GRM8: variants seen among roughly 807,000 people sequenced by gnomAD.
GRM8 encodes glutamate metabotropic receptor 8, also known as metabotropic glutamate receptor 8.
In GRM8, 47 loss-of-function variants were observed where a neutral mutation model predicts 87.2. That is an observed-to-expected ratio of 0.54 (90% CI 0.43 to 0.69). The LOEUF (loss-of-function observed/expected upper bound fraction) is 0.69. Among genes scored for constraint, GRM8 ranks in the 30% least tolerant of loss-of-function variants. The pLI is 0.00. For missense variants in GRM8, 1,019 were observed against 1,139.2 expected, an observed-to-expected ratio of 0.89 and a Z score of 1.52; for synonymous variants, 396 against 404.5, an observed-to-expected ratio of 0.98 and a Z score of 0.25.
intron 3 of GRM8, among the ~76,000 whole-genome samples, chr7:126,956,682 C>T (rs1808721346): frequency 6.6e-6 from 1 of 152,154 alleles, no homozygotes; most frequent in African/African-American, 2.4e-5. Flanking sequence ...AACTTGACTT[C>T]TTTATTATTT....
At chr7:127,243,591 G>T in intron 1 of GRM8, 76 bp from the exon 2 acceptor site, 1 of 173,136 alleles carries the variant, frequency 5.8e-6, no homozygotes, top group Non-Finnish European at 1.2e-5. Flanking sequence ...GTTTACGCCA[G>T]CCTCTTAAAA....
intron 2 of GRM8, among the ~76,000 whole-genome samples, chr7:127,198,750 A>G (rs1357682680): frequency 2.6e-5 from 4 of 151,204 alleles, no homozygotes; most frequent in Non-Finnish European, 5.9e-5. Context: ...ATCATAGCTC[A>G]CTGTAACCTC....
At position 126,638,826 on chromosome 7, in the gene GRM8, A is replaced by C. The variant is rs143957707; in HGVS notation, c.1358-29328T>G. Reference sequence around the variant, plus strand: ...CTCATTCTCTCCCTGAATATACTATACCAGGTTCTTCACCAAGTAATTTCT... The same window carrying C: ...CTCATTCTCTCCCTGAATATACTATCCCAGGTTCTTCACCAAGTAATTTCT... On this transcript the variant is annotated intron_variant, in intron 7 of 10. Transcript: ENST00000339582. Among the ~76,000 whole-genome samples, 64 of 152,314 alleles carry C rather than the reference A, an allele frequency of 4.2e-4. 1 individual carries two copies. The highest frequency in any genetic ancestry group is 1.4e-3 in the African/African-American group (60 of 41,566).
intron 8 of GRM8, among the ~76,000 whole-genome samples, chr7:126,601,037 C>T (rs1420080466): frequency 1.3e-5 from 2 of 151,200 alleles, no homozygotes; most frequent in Non-Finnish European, 3.0e-5. Flanking sequence ...CCCACTAACT[C>T]GTCATCTAGC....
chr7:126,611,229 C>T (rs995860448), intron 7 of GRM8, among the ~76,000 whole-genome samples: 44 of 152,140 alleles, frequency 2.9e-4, no homozygotes, highest in Admixed American at 2.0e-4. Flanking sequence ...CCAAACCTGA[C>T]CAAAACCTTT....
chr7:126,618,665 T>C (rs1032774646), intron 7 of GRM8, among the ~76,000 whole-genome samples: 2 of 151,742 alleles, frequency 1.3e-5, no homozygotes, highest in African/African-American at 4.9e-5. Flanking sequence ...TACAAAGAAC[T>C]CAAACAAATT....
chr7:126,977,580 CAGA>C (rs1158210560), intron 3 of GRM8, among the ~76,000 whole-genome samples: 5 of 152,276 alleles, frequency 3.3e-5, no homozygotes, highest in South Asian at 2.1e-4. Flanking sequence ...CCAAAGAGAA[CAGA>C]AGAAGGTCTT....
At chr7:127,236,027 ACTTT>A (rs1368699901) in intron 2 of GRM8, among the ~76,000 whole-genome samples, 1 of 150,726 alleles carries the variant, frequency 6.6e-6, no homozygotes, top group East Asian at 1.9e-4. Flanking sequence ...TGCTTATTTT[ACTTT>A]ATTTTTGATT....
At chr7:126,653,300 C>A (rs1481519605) in intron 7 of GRM8, among the ~76,000 whole-genome samples, 596 of 108,760 alleles carry the variant, frequency 5.5e-3, no homozygotes, top group South Asian at 6.9e-3. Context: ...ATCCTGTCTC[C>A]AAAAAAAAAA....
intron 3 of GRM8, among the ~76,000 whole-genome samples, chr7:127,040,246 C>T (rs766993987): frequency 4.3e-4 from 65 of 152,148 alleles, no homozygotes; most frequent in Non-Finnish European, 8.2e-4. Context: ...GAACAGTTCA[C>T]GGGCAGCATT....
At chr7:126,658,593 C>T (rs550382577) in intron 7 of GRM8, among the ~76,000 whole-genome samples, 1 of 151,758 alleles carries the variant, frequency 6.6e-6, no homozygotes, top group Non-Finnish European at 1.5e-5. Flanking sequence ...AATCCTGTGG[C>T]ATTGGGTTTA....
chr7:126,595,348 C>A (rs2151056091), intron 8 of GRM8, among the ~76,000 whole-genome samples: 1 of 151,610 alleles, frequency 6.6e-6, no homozygotes, highest in Admixed American at 6.6e-5. Context: ...TACAGGCACA[C>A]ACCACCACCC....
At chr7:126,892,002 A>G (rs1184252738) in intron 6 of GRM8, among the ~76,000 whole-genome samples, 4 of 131,380 alleles carry the variant, frequency 3.0e-5, no homozygotes, top group Non-Finnish European at 6.2e-5. Context: ...TCCTATATGA[A>G]GCTCATGTTC....
intron 6 of GRM8, among the ~76,000 whole-genome samples, chr7:126,794,131 T>A (rs1191101892): frequency 6.6e-6 from 1 of 152,026 alleles, no homozygotes; most frequent in Non-Finnish European, 1.5e-5. Flanking sequence ...TCAGACAGAA[T>A]GTCTTTGCTC....
chr7:126,811,208 A>G (rs1350916014), intron 6 of GRM8, among the ~76,000 whole-genome samples: 2 of 151,868 alleles, frequency 1.3e-5, no homozygotes, highest in Non-Finnish European at 2.9e-5. Flanking sequence ...TGGCTACTCT[A>G]TTCTGTTCAT....
At chr7:126,616,175 C>G (rs901028431) in intron 7 of GRM8, among the ~76,000 whole-genome samples, 4 of 152,208 alleles carry the variant, frequency 2.6e-5, no homozygotes, top group African/African-American at 9.6e-5. Context: ...AACAAACTAT[C>G]TCTCAGACCA....
At chr7:126,550,405 C>T (rs1328186395) in intron 8 of GRM8, among the ~76,000 whole-genome samples, 1 of 152,042 alleles carries the variant, frequency 6.6e-6, no homozygotes, top group Non-Finnish European at 1.5e-5. Flanking sequence ...AGCCACCGCA[C>T]CCGGCCGAAA....
At chr7:126,583,830 G>A (rs928332073) in intron 8 of GRM8, among the ~76,000 whole-genome samples, 1 of 152,186 alleles carries the variant, frequency 6.6e-6, no homozygotes, top group African/African-American at 2.4e-5. Context: ...GACAACAAAG[G>A]ATTTCAAATA....
chr7:127,224,411 C>A (rs901777700), intron 2 of GRM8, among the ~76,000 whole-genome samples: 1 of 152,102 alleles, frequency 6.6e-6, no homozygotes, highest in East Asian at 1.9e-4. Flanking sequence ...TTTTTAAGTG[C>A]TGAAAGAAAG....
Sources: allele counts gnomAD v4.1 joint callset (sites outside exome capture counted in the v4.1 genomes callset), GRCh38; gene constraint gnomAD v4.1.1; transcripts MANE v1.5; gene names NCBI Gene and HGNC (gene_info 2026-07-23, HGNC 2026-07-21).